NOL4L: variants seen among roughly 807,000 people sequenced by gnomAD.
NOL4L encodes nucleolar protein 4-like.
Under a neutral mutation model 64.5 loss-of-function variants are expected in NOL4L, and 7 were observed. That is an observed-to-expected ratio of 0.11 (90% CI 0.06 to 0.20). The LOEUF (loss-of-function observed/expected upper bound fraction) is 0.20, where lower values mean the gene tolerates loss of function less well. Ranked by LOEUF, NOL4L falls within the 10% of genes least tolerant of loss-of-function variation. NOL4L has a pLI of 1.00. For missense variants in NOL4L, 680 were observed against 967.1 expected, an observed-to-expected ratio of 0.70 and a Z score of 3.94; for synonymous variants, 413 against 401.0, an observed-to-expected ratio of 1.03 and a Z score of -0.36.
At chr20:32,447,894 T>A in intron 10 of NOL4L, 78 bp from the exon 11 acceptor site, 2 of 1,497,094 alleles carry the variant, frequency 1.3e-6, no homozygotes, top group Middle Eastern at 2.6e-4. Flanking sequence ...CTTGGCACTG[T>A]CATAACCTAT....
rs187648937 is a variant in NOL4L, at chr20:32,514,019, G to A, written c.590-2563C>T. The stretch of plus-strand genomic sequence containing the variant: ...TAGGAACAGCCCTGCAGAAAAGGTG[G>A]GGACCCGGAATAGCTGGGGCCTAGA... On this transcript the variant is annotated intron_variant, in intron 3 of 10. Transcript: ENST00000621426. 1.7e-3 allele frequency among the ~76,000 whole-genome samples: 260 copies of A among 152,306 alleles called. 1 individual carries two copies. Among genetic ancestry groups the A allele is most frequent in the South Asian group, 0.016 (75 of 4,830 alleles).
chr20:32,535,551 C>T, intron 1 of NOL4L: 2 of 983,154 alleles, frequency 2.0e-6, no homozygotes, highest in Non-Finnish European at 2.4e-6. Context: ...TATTCCAAGA[C>T]CTCCTTTCTG....
At chr20:32,487,618 GCAT>G (rs2016146472) in intron 4 of NOL4L, among the ~76,000 whole-genome samples, 1 of 152,080 alleles carries the variant, frequency 6.6e-6, no homozygotes. Flanking sequence ...GGAGGGATGA[GCAT>G]CGGGGGGGCA....
At chr20:32,542,939 TTG>T (rs1243362143) in intron 1 of NOL4L, among the ~76,000 whole-genome samples, 1 of 151,756 alleles carries the variant, frequency 6.6e-6, no homozygotes, top group South Asian at 2.1e-4. Context: ...CCTCACGGGG[TTG>T]TGAGGATTTT....
Position 32,582,940 on chromosome 20 carries a change from G to A in NOL4L, c.321+1630C>T, listed in dbSNP as rs1980576645. The stretch of plus-strand genomic sequence containing the variant: ...GGGCTGGGGGAGGGGTCCTGGACTC[G>A]ATCGGGGGAGGGGACAATGACCCAG... On this transcript the variant is annotated intron_variant, in intron 1 of 10. Coordinates refer to ENST00000621426, the MANE Select transcript of NOL4L (RefSeq NM_001256798.2). 4.6e-5 allele frequency among the ~76,000 whole-genome samples: 7 copies of A among 152,032 alleles called. No homozygotes were observed. The South Asian group carries it at 1.5e-3, about 32-fold the overall frequency.
intron 4 of NOL4L, among the ~76,000 whole-genome samples, chr20:32,487,053 G>T (rs1042393106): frequency 6.6e-6 from 1 of 152,170 alleles, no homozygotes; most frequent in African/African-American, 2.4e-5. Context: ...TGGATCACCT[G>T]AGGTCAGGGG....
At chr20:32,458,876 G>A (rs1327969604) in intron 5 of NOL4L, among the ~76,000 whole-genome samples, 2 of 152,246 alleles carry the variant, frequency 1.3e-5, no homozygotes, top group Non-Finnish European at 2.9e-5. Flanking sequence ...TTCCCGAGAA[G>A]ATGGACTTGC....
chr20:32,486,723 T>G, intron 4 of NOL4L: 1 of 471,034 alleles, frequency 2.1e-6, no homozygotes, highest in Non-Finnish European at 4.4e-6. Flanking sequence ...GGCAGACACT[T>G]CCCAATCAAG....
At position 32,497,892 on chromosome 20, in the gene NOL4L, C is replaced by G. The variant is rs558815666; in HGVS notation, c.699+13455G>C. Among the ~76,000 whole-genome samples the G allele has an allele frequency of 3.9e-5, 6 of 152,358 alleles. No homozygotes were observed. In the South Asian group the frequency reaches 1.0e-3, roughly 26 times the overall value. On this transcript the variant is annotated intron_variant, in intron 4 of 10. Transcript: ENST00000621426. ...AGCTCCTGACCTGTGCAAGCTTTTC[C>G]CTTGACACACACAAAGCGTCCCGAG...
chr20:32,562,250 C>T (rs1295031742), intron 1 of NOL4L, among the ~76,000 whole-genome samples: 1 of 152,158 alleles, frequency 6.6e-6, no homozygotes, highest in East Asian at 1.9e-4. Flanking sequence ...GACTTCCACC[C>T]CCCACCCGCC....
chr20:32,452,202 C>T lies in NOL4L; in HGVS notation c.1822+34G>A, dbSNP rs772591358. ...TCTGCAGACCCAGCTGGGTGCTGGT[C>T]GGGAAGCCAGAGCCCAGGCCTCCCC... On this transcript the variant is annotated intron_variant, in intron 10 of 10. Transcript: ENST00000621426. 12 of 1,489,954 alleles carry T rather than the reference C, an allele frequency of 8.1e-6. No individual in the cohort carries two copies. In the East Asian group the frequency reaches 9.8e-5, roughly 12 times the overall value. The allele number at this position is 1,489,954 out of a possible 1,614,324, so 92.3% of individuals were successfully genotyped here.
intron 4 of NOL4L, among the ~76,000 whole-genome samples, chr20:32,488,734 TTTCTTTCTTTCTTTTCC>T (rs1215369600): frequency 6.8e-6 from 1 of 147,468 alleles, no homozygotes; most frequent in Non-Finnish European, 1.5e-5. Flanking sequence ...CTTTCTTTCT[TTTCTTTCTTTCTTTTCC>T]TTCCTTCCTT....
intron 5 of NOL4L, among the ~76,000 whole-genome samples, chr20:32,469,661 G>A (rs555387271): frequency 8.5e-4 from 130 of 152,350 alleles, no homozygotes; most frequent in Non-Finnish European, 1.4e-3. Context: ...GTGAGCCACC[G>A]CACCTGGCCT....
chr20:32,524,017 A>T (rs778653379), intron 2 of NOL4L, among the ~76,000 whole-genome samples: 2 of 152,154 alleles, frequency 1.3e-5, no homozygotes, highest in Non-Finnish European at 2.9e-5. Flanking sequence ...GCTGCTGACC[A>T]CATCTGGCCC....
At chr20:32,510,024 T>C (rs2017324834) in intron 4 of NOL4L, 8 of 1,088,420 alleles carry the variant, frequency 7.4e-6, no homozygotes, top group Non-Finnish European at 1.0e-5. Flanking sequence ...GTGCTGGGAT[T>C]CTATAACCAA....
intron 5 of NOL4L, among the ~76,000 whole-genome samples, chr20:32,470,362 C>T (rs1025832173): frequency 6.6e-6 from 1 of 152,254 alleles, no homozygotes; most frequent in Non-Finnish European, 1.5e-5. Flanking sequence ...CACCTGCCTC[C>T]GTGCATGCCT....
rs766273744 is a variant in NOL4L, at chr20:32,456,161, C to T, written c.1076G>A (p.Gly359Glu). ...CCCGTATTTGACGCGGCTCCGCAGC[C>T]CGTCGGCACCGCAGCCATCCGAGGG... ...SYPSDGCGADGLRSRVKYGVK... is the reference protein window; with the variant it reads ...SYPSDGCGADELRSRVKYGVK... The change falls in exon 6 of 11, where the codon GGG (glycine) becomes GAG (glutamate). Residue 359 changes from glycine to glutamate, a missense_variant. This residue lies in a region of NOL4L where 254 missense variants were observed against 238.7 expected (regional missense o/e 1.06). Coordinates refer to ENST00000621426, the MANE Select transcript of NOL4L (RefSeq NM_001256798.2). 6.4e-6 allele frequency: 10 copies of T among 1,573,504 alleles called. No individual in the cohort carries two copies. Among genetic ancestry groups the T allele is most frequent in the Non-Finnish European group, 7.8e-6 (9 of 1,158,332 alleles).
intron 1 of NOL4L, chr20:32,532,384 G>T (rs986377050): frequency 1.0e-6 from 1 of 985,240 alleles, no homozygotes; most frequent in Non-Finnish European, 1.2e-6. Flanking sequence ...GGGGAAGAAC[G>T]CCAGGATGTC....
chr20:32,496,919 A>G (rs917195845), intron 4 of NOL4L, among the ~76,000 whole-genome samples: 4 of 152,126 alleles, frequency 2.6e-5, no homozygotes, highest in Non-Finnish European at 5.9e-5. Flanking sequence ...GGCCGTGAGC[A>G]GCAGCTGTGC....
Sources: allele counts gnomAD v4.1 joint callset (sites outside exome capture counted in the v4.1 genomes callset), GRCh38; gene constraint gnomAD v4.1.1; regional missense constraint gnomAD v4.1.1; transcripts MANE v1.5; gene names NCBI Gene and HGNC (gene_info 2026-07-23, HGNC 2026-07-21).